IL1RAPL1: variants seen among roughly 807,000 people sequenced by gnomAD.
The protein encoded by IL1RAPL1 is interleukin 1 receptor accessory protein like 1, also known as interleukin-1 receptor accessory protein-like 1.
In IL1RAPL1, 3 loss-of-function variants were observed where a neutral mutation model predicts 48.4. That is an observed-to-expected ratio of 0.06 (90% confidence interval 0.03 to 0.16). IL1RAPL1 has a LOEUF of 0.16. Among genes scored for constraint, IL1RAPL1 ranks in the 10% least tolerant of loss-of-function variants. IL1RAPL1 has a pLI of 1.00. For missense variants in IL1RAPL1, 349 were observed against 530.6 expected, an observed-to-expected ratio of 0.66 and a Z score of 3.36; for synonymous variants, 185 against 187.7, an observed-to-expected ratio of 0.99 and a Z score of 0.12.
chrX:29,721,139 G>T (rs2147125524), intron 6 of IL1RAPL1, among the ~76,000 whole-genome samples: 1 of 109,244 alleles, frequency 9.2e-6, no homozygotes, highest in South Asian at 3.7e-4. Context: ...CCACCCTAGG[G>T]GATGAAGCAA....
At chrX:28,654,618 A>G in intron 1 of IL1RAPL1, among the ~76,000 whole-genome samples, 2 of 112,417 alleles carry the variant, frequency 1.8e-5, no homozygotes, top group Middle Eastern at 4.7e-3. Flanking sequence ...TCAGCAATCT[A>G]TGATTTTAGC....
At chrX:28,620,230 T>C (rs1046695300) in intron 1 of IL1RAPL1, among the ~76,000 whole-genome samples, 20 of 112,090 alleles carry the variant, frequency 1.8e-4, no homozygotes, top group African/African-American at 6.2e-4. Context: ...TCAAATTGCC[T>C]AAGTATTTTT....
At position 29,730,152 on chromosome X, in the gene IL1RAPL1, G is replaced by A. The variant is rs757949777; in HGVS notation, c.778+61648G>A. 3.4e-4 allele frequency among the ~76,000 whole-genome samples: 38 copies of A among 111,764 alleles called. 1 individual carries two copies. Among genetic ancestry groups the A allele is most frequent in the African/African-American group, 1.0e-3 (31 of 30,784 alleles). ...ATAATTTTGAACCCTATCCCCATTG[G>A]GCCAAACCTATCACATGTGTCAAAA... On this transcript the variant is annotated intron_variant, in intron 6 of 10. Transcript: ENST00000378993.
At chrX:28,701,840 G>T (rs1350204356) in intron 1 of IL1RAPL1, among the ~76,000 whole-genome samples, 2 of 110,854 alleles carry the variant, frequency 1.8e-5, no homozygotes, top group Non-Finnish European at 3.8e-5. Flanking sequence ...ATTTAAATGA[G>T]GTTAGAAAGG....
chrX:28,955,310 A>G (rs372826772), intron 2 of IL1RAPL1, among the ~76,000 whole-genome samples: 1 of 111,205 alleles, frequency 9.0e-6, no homozygotes, highest in Non-Finnish European at 1.9e-5. Context: ...TTTTCTTGAT[A>G]AGTTGTTTTT....
At chrX:29,797,526 G>A (rs962031570) in intron 6 of IL1RAPL1, among the ~76,000 whole-genome samples, 1 of 111,910 alleles carries the variant, frequency 8.9e-6, no homozygotes, top group Non-Finnish European at 1.9e-5. Context: ...AAGATGGGTG[G>A]CATCACATTC....
At chrX:28,990,867 A>G (rs2147381508) in intron 2 of IL1RAPL1, among the ~76,000 whole-genome samples, 1 of 111,856 alleles carries the variant, frequency 8.9e-6, no homozygotes, top group South Asian at 3.8e-4. Flanking sequence ...TTTTTCTTCT[A>G]TAATTTTAAA....
chrX:29,003,086 G>T (rs1489958506), intron 2 of IL1RAPL1, among the ~76,000 whole-genome samples: 4 of 111,272 alleles, frequency 3.6e-5, no homozygotes, highest in Non-Finnish European at 7.5e-5. Context: ...GGGGGACAGG[G>T]TAGGTGTTAA....
chrX:29,629,829 C>T (rs1924717347), intron 5 of IL1RAPL1, among the ~76,000 whole-genome samples: 1 of 111,966 alleles, frequency 8.9e-6, no homozygotes, highest in Non-Finnish European at 1.9e-5. Context: ...GGATCTCTTC[C>T]TAGCTTGGGT....
At chrX:28,872,717 C>T (rs1356359081) in intron 2 of IL1RAPL1, among the ~76,000 whole-genome samples, 1 of 112,148 alleles carries the variant, frequency 8.9e-6, no homozygotes, top group Non-Finnish European at 1.9e-5. Flanking sequence ...TCCATGGGTA[C>T]AGGTCTTTAA....
intron 2 of IL1RAPL1, among the ~76,000 whole-genome samples, chrX:29,256,122 A>G (rs2147579338): frequency 9.0e-6 from 1 of 111,243 alleles, no homozygotes; most frequent in South Asian, 3.8e-4. Flanking sequence ...AACATTTGTT[A>G]TTTTTTGACT....
chrX:28,869,830 C>A (rs1467646291), intron 2 of IL1RAPL1, among the ~76,000 whole-genome samples: 2 of 111,333 alleles, frequency 1.8e-5, no homozygotes, highest in African/African-American at 6.5e-5. Context: ...ATTTAACCCC[C>A]AAAAAACCCC....
At chrX:29,463,118 A>C (rs1369616524) in intron 5 of IL1RAPL1, among the ~76,000 whole-genome samples, 1 of 111,246 alleles carries the variant, frequency 9.0e-6, no homozygotes, top group African/African-American at 3.3e-5. Context: ...TTAAGCATTA[A>C]TTTTTTACTT....
chrX:28,765,552 A>T (rs989884554), intron 1 of IL1RAPL1, among the ~76,000 whole-genome samples: 6 of 111,691 alleles, frequency 5.4e-5, no homozygotes, highest in African/African-American at 2.0e-4. Flanking sequence ...GCGAAATGAA[A>T]AAAATGGGAT....
At chrX:29,071,904 A>G (rs747507487) in intron 2 of IL1RAPL1, among the ~76,000 whole-genome samples, 2 of 112,031 alleles carry the variant, frequency 1.8e-5, no homozygotes, top group Non-Finnish European at 3.8e-5. Flanking sequence ...AACTGGGAGG[A>G]TAAGTGAAAA....
At chrX:29,633,868 A>G (rs113186285) in intron 5 of IL1RAPL1, among the ~76,000 whole-genome samples, 4 of 110,643 alleles carry the variant, frequency 3.6e-5, no homozygotes, top group Non-Finnish European at 7.6e-5. Context: ...CCCAGCACCC[A>G]TCTGGGTAAT....
intron 6 of IL1RAPL1, among the ~76,000 whole-genome samples, chrX:29,811,132 G>A (rs1930372934): frequency 9.1e-6 from 1 of 110,467 alleles, no homozygotes; most frequent in South Asian, 3.9e-4. Flanking sequence ...AGTGACAAAA[G>A]AGGGGGGTCA....
At chrX:29,593,808 C>A (rs1012494144) in intron 5 of IL1RAPL1, among the ~76,000 whole-genome samples, 11 of 111,870 alleles carry the variant, frequency 9.8e-5, no homozygotes, top group African/African-American at 3.6e-4. Context: ...CAGTGAGATG[C>A]CCAATGTATT....
At chrX:29,801,379 C>A (rs917947210) in intron 6 of IL1RAPL1, among the ~76,000 whole-genome samples, 6 of 111,421 alleles carry the variant, frequency 5.4e-5, no homozygotes, top group Non-Finnish European at 1.1e-4. Context: ...GCAAGCAATG[C>A]CTGGACACCT....
Sources: allele counts gnomAD v4.1 joint callset (sites outside exome capture counted in the v4.1 genomes callset), GRCh38; gene constraint gnomAD v4.1.1; transcripts MANE v1.5; gene names NCBI Gene and HGNC (gene_info 2026-07-23, HGNC 2026-07-21).